The following CFAP47 variants were observed in gnomAD, a reference collection of about 807,000 sequenced individuals.
CFAP47 encodes cilia and flagella associated protein 47.
CFAP47 carries 29 observed loss-of-function variants against 148.1 expected under a neutral mutation model. The ratio of observed to expected loss-of-function variants is 0.20; its 90% confidence interval spans 0.15 to 0.27. The LOEUF (loss-of-function observed/expected upper bound fraction) is 0.27, where lower values mean the gene tolerates loss of function less well. CFAP47 is among the 10% of genes least tolerant of loss of function. CFAP47 has a pLI of 1.00. For missense variants in CFAP47, 1,872 were observed against 1,697.5 expected (o/e 1.10, Z -1.81); for synonymous variants, 664 against 577.3 (o/e 1.15, Z -2.15).
At chrX:36,329,557 C>T (rs1402715500) in intron 57 of CFAP47, among the ~76,000 whole-genome samples, 2 of 111,415 alleles carry the variant, frequency 1.8e-5, no homozygotes, top group Non-Finnish European at 3.8e-5. Flanking sequence ...TATCTTGTTC[C>T]AATGTTTATT....
chrX:36,234,912 G>A (rs1453444149), intron 46 of CFAP47, among the ~76,000 whole-genome samples: 1 of 111,580 alleles, frequency 9.0e-6, no homozygotes, highest in African/African-American at 3.3e-5. Flanking sequence ...TACCAGCAGC[G>A]GTGGCTGCAG....
In CFAP47 at chrX:35,951,382, A is replaced by G. The variant is rs6632426; in HGVS notation, c.885+23A>G. ...TTGGTAAGTAAGTGGTGCGACAGGG[A>G]TATCAGATATTATGACTTAAAAGAG... On this transcript the variant is annotated intron_variant, in intron 5 of 63. Coordinates refer to ENST00000378653, the MANE Select transcript of CFAP47 (RefSeq NM_001304548.2). The G allele has an allele frequency of 3.4e-4, 331 of 960,235 alleles. 1 individual carries two copies. The African/African-American group carries it at 5.1e-3, about 15-fold the overall frequency. The allele number at this position is 960,235 out of a possible 1,213,427, so 79.1% of individuals were successfully genotyped here. A position where few individuals can be genotyped will look rare whatever the true frequency, so the allele number is the denominator to read the frequency against.
intron 38 of CFAP47, among the ~76,000 whole-genome samples, 160 bp downstream of exon 38, chrX:36,159,736 G>A (rs757535469): frequency 8.9e-6 from 1 of 111,823 alleles, no homozygotes; most frequent in Non-Finnish European, 1.9e-5. Context: ...CTGGGCCTGT[G>A]TCTGTGTTTT....
intron 49 of CFAP47, among the ~76,000 whole-genome samples, chrX:36,277,328 T>C (rs963643419): frequency 1.8e-5 from 2 of 111,922 alleles, no homozygotes; most frequent in Admixed American, 1.9e-4. Flanking sequence ...GCAAGTGTTC[T>C]GTTGATGATA....
chrX:36,046,582 A>G (rs775192917), intron 25 of CFAP47, among the ~76,000 whole-genome samples: 1 of 111,432 alleles, frequency 9.0e-6, no homozygotes, highest in South Asian at 3.7e-4. Flanking sequence ...TGATTAAGAA[A>G]TATTGTGTTT....
At chrX:36,038,304 C>T (rs962915241) in intron 24 of CFAP47, among the ~76,000 whole-genome samples, 2 of 112,007 alleles carry the variant, frequency 1.8e-5, no homozygotes. Flanking sequence ...CTGGGTCACT[C>T]TTTTCTCTCT....
At chrX:36,070,580 C>G (rs1284339760) in intron 27 of CFAP47, among the ~76,000 whole-genome samples, 4 of 107,830 alleles carry the variant, frequency 3.7e-5, no homozygotes, top group Non-Finnish European at 7.7e-5. Context: ...TCACCTCCAC[C>G]TCCTGGGTTC....
intron 29 of CFAP47, among the ~76,000 whole-genome samples, chrX:36,078,989 A>G (rs1937920399): frequency 9.0e-6 from 1 of 111,690 alleles, no homozygotes; most frequent in Non-Finnish European, 1.9e-5. Context: ...TTCTTTAAGA[A>G]TATTGAATAT....
intron 45 of CFAP47, among the ~76,000 whole-genome samples, chrX:36,208,520 G>A (rs1164843489): frequency 2.7e-5 from 3 of 111,005 alleles, no homozygotes. Flanking sequence ...AAATCTGCAT[G>A]TAAGTGCACC....
intron 33 of CFAP47, among the ~76,000 whole-genome samples, chrX:36,106,267 A>T (rs1401621823): frequency 8.9e-6 from 1 of 112,246 alleles, no homozygotes; most frequent in Non-Finnish European, 1.9e-5. Flanking sequence ...ATTAGACAAG[A>T]TTGCTCTTTG....
At chrX:36,274,475 A>G (rs1483436960) in intron 49 of CFAP47, among the ~76,000 whole-genome samples, 2 of 111,547 alleles carry the variant, frequency 1.8e-5, no homozygotes, top group African/African-American at 6.5e-5. Flanking sequence ...TCAACTTATG[A>G]TCATTTTACC....
intron 30 of CFAP47, among the ~76,000 whole-genome samples, chrX:36,089,574 C>T (rs1938149308): frequency 9.0e-6 from 1 of 110,824 alleles, no homozygotes; most frequent in African/African-American, 3.3e-5. Context: ...CAGATATAGG[C>T]TTATATTCCA....
chrX:35,935,717 T>C (rs936884797), intron 2 of CFAP47, among the ~76,000 whole-genome samples: 3 of 110,804 alleles, frequency 2.7e-5, no homozygotes, highest in Non-Finnish European at 3.8e-5. Context: ...TCTTTTAGTT[T>C]TTCTTTGTCT....
intron 42 of CFAP47, among the ~76,000 whole-genome samples, chrX:36,196,856 G>A (rs1215020127): frequency 2.7e-5 from 3 of 111,779 alleles, no homozygotes; most frequent in South Asian, 3.7e-4. Context: ...GATGACAAGC[G>A]TCTGCTAAGT....
intron 63 of CFAP47, among the ~76,000 whole-genome samples, chrX:36,381,523 C>T (rs1350154182): frequency 1.8e-5 from 2 of 111,551 alleles, no homozygotes; most frequent in African/African-American, 6.5e-5. Flanking sequence ...AAACAAACCT[C>T]AATAATCTTG....
At chrX:36,048,579 T>C (rs1937493541) in intron 26 of CFAP47, among the ~76,000 whole-genome samples, 1 of 111,709 alleles carries the variant, frequency 9.0e-6, no homozygotes, top group Non-Finnish European at 1.9e-5. Context: ...CTGTGAATAA[T>C]AGCAGGAATA....
At position 36,293,691 on chromosome X, in the gene CFAP47, A is replaced by G. The variant is rs184870969; in HGVS notation, c.7687-5286A>G. Reference sequence around the variant, plus strand: ...CTAGTTGGACAGCCACTGCCAAGTGACATCTTCATGCCAAGAAAGGAGAAC... The same window carrying G: ...CTAGTTGGACAGCCACTGCCAAGTGGCATCTTCATGCCAAGAAAGGAGAAC... On this transcript the variant is annotated intron_variant, in intron 51 of 63. Coordinates refer to ENST00000378653, the MANE Select transcript of CFAP47 (RefSeq NM_001304548.2). Among the ~76,000 whole-genome samples, 22 of 112,198 alleles carry G rather than the reference A, an allele frequency of 2.0e-4. No individual in the cohort carries two copies. In the East Asian group the frequency reaches 5.6e-3, roughly 29 times the overall value.
At chrX:36,230,441 A>T (rs1940333574) in intron 46 of CFAP47, among the ~76,000 whole-genome samples, 1 of 107,683 alleles carries the variant, frequency 9.3e-6, no homozygotes, top group Non-Finnish European at 1.9e-5. Flanking sequence ...TCCTTCACCC[A>T]CTTTTTGATG....
intron 15 of CFAP47, among the ~76,000 whole-genome samples, chrX:35,986,805 T>C (rs1936721760): frequency 9.0e-6 from 1 of 111,589 alleles, no homozygotes; most frequent in African/African-American, 3.3e-5. Flanking sequence ...GTGGACGTCC[T>C]TTTTGTTGAT....
Sources: allele counts gnomAD v4.1 joint callset (sites outside exome capture counted in the v4.1 genomes callset), GRCh38; gene constraint gnomAD v4.1.1; transcripts MANE v1.5; gene names NCBI Gene and HGNC (gene_info 2026-07-23, HGNC 2026-07-21).